Variants in PRKN observed in about 807,000 individuals in gnomAD.
PRKN encodes parkin RBR E3 ubiquitin protein ligase.
A neutral mutation model predicts 59.5 loss-of-function variants in PRKN; 56 were observed. The ratio of observed to expected loss-of-function variants is 0.94; its 90% CI spans 0.76 to 1.18. The LOEUF (loss-of-function observed/expected upper bound fraction) is 1.18. Ranked by LOEUF, PRKN falls within the 50% of genes most tolerant of loss-of-function variation. PRKN has a pLI of 0.00. For missense variants in PRKN, 657 were observed against 596.4 expected, an observed-to-expected ratio of 1.10 and a Z score of -1.06; for synonymous variants, 250 against 222.1, an observed-to-expected ratio of 1.13 and a Z score of -1.12.
chr6:161,782,714 C>A (rs183268739), intron 7 of PRKN, among the ~76,000 whole-genome samples: 1 of 151,590 alleles, frequency 6.6e-6, no homozygotes, highest in Non-Finnish European at 1.5e-5. Context: ...GTTAACATGG[C>A]GAAACCCCAT....
chr6:162,098,187 G>C (rs1274574763), intron 4 of PRKN, among the ~76,000 whole-genome samples: 1 of 152,088 alleles, frequency 6.6e-6, no homozygotes, highest in Non-Finnish European at 1.5e-5. Flanking sequence ...TTTTGTAAGA[G>C]TTGCTTTAGT....
At chr6:162,540,715 G>A (rs905417916) in intron 1 of PRKN, among the ~76,000 whole-genome samples, 6 of 151,110 alleles carry the variant, frequency 4.0e-5, no homozygotes, top group Non-Finnish European at 8.8e-5. Context: ...GCTGAGGCAC[G>A]AGAATCACTT....
chr6:161,568,959 T>C (rs1037847178), intron 8 of PRKN, among the ~76,000 whole-genome samples: 2 of 138,906 alleles, frequency 1.4e-5, no homozygotes, highest in Non-Finnish European at 3.1e-5. Flanking sequence ...AAACACCCAA[T>C]ACAAAAACCT....
At chr6:162,594,247 T>C (rs2846546) in intron 1 of PRKN, among the ~76,000 whole-genome samples, 72,283 of 152,018 alleles carry the variant, frequency 0.48, 18,770 homozygotes, top group Non-Finnish European at 0.59. Flanking sequence ...ACATGCCCTT[T>C]GCATACTTTA....
intron 1 of PRKN, among the ~76,000 whole-genome samples, chr6:162,705,847 G>A (rs761295172): frequency 1.3e-5 from 2 of 152,054 alleles, no homozygotes; most frequent in East Asian, 1.9e-4. Flanking sequence ...CTAAATTAAG[G>A]TACTTAGAGG....
intron 2 of PRKN, among the ~76,000 whole-genome samples, chr6:162,274,092 C>A (rs183331153): frequency 6.6e-6 from 1 of 151,858 alleles, no homozygotes; most frequent in Admixed American, 6.6e-5. Flanking sequence ...CTGTTTGAAT[C>A]GAGATCCAAA....
chr6:161,542,051 C>G (rs1779633979), intron 9 of PRKN, among the ~76,000 whole-genome samples: 1 of 152,180 alleles, frequency 6.6e-6, no homozygotes, highest in African/African-American at 2.4e-5. Context: ...CCTCTTCCTC[C>G]TCAGCCTACT....
chr6:162,246,400 C>T (rs60175166), intron 3 of PRKN, among the ~76,000 whole-genome samples: 20,853 of 151,948 alleles, frequency 0.14, 2,010 homozygotes, highest in East Asian at 0.49. Flanking sequence ...GGACATTTGG[C>T]CTCCAGAACC....
intron 9 of PRKN, among the ~76,000 whole-genome samples, chr6:161,394,248 T>C (rs778920941): frequency 1.3e-5 from 2 of 152,240 alleles, no homozygotes; most frequent in Non-Finnish European, 2.9e-5. Flanking sequence ...AATCTTAAAC[T>C]GTGCTAAGCT....
At chr6:162,425,783 C>T (rs1789210765) in intron 2 of PRKN, among the ~76,000 whole-genome samples, 1 of 152,122 alleles carries the variant, frequency 6.6e-6, no homozygotes, top group South Asian at 2.1e-4. Flanking sequence ...AACTTATATT[C>T]TAGAATTAGA....
Position 161,463,580 on chromosome 6 carries a change from C to G in PRKN, c.1084-76703G>C, listed in dbSNP as rs1790314154. Among the ~76,000 whole-genome samples the G allele has an allele frequency of 1.3e-5, 2 of 152,160 alleles. No homozygotes were observed. Among genetic ancestry groups the G allele is most frequent in the African/African-American group, 4.8e-5 (2 of 41,444 alleles). ...ATGCTTTCTTTGACCATCTTGATAT[C>G]CAGATATGGAGTATTCCCATTTCTT... On this transcript the variant is annotated intron_variant, in intron 9 of 11. Transcript: ENST00000366898. The surrounding 1 kb of genome is among the most constrained non-coding windows in gnomAD (Gnocchi z 4.8).
At chr6:162,199,747 T>G (rs1240821004) in intron 4 of PRKN, among the ~76,000 whole-genome samples, 1 of 152,160 alleles carries the variant, frequency 6.6e-6, no homozygotes, top group Non-Finnish European at 1.5e-5. Flanking sequence ...AGCTGAAATG[T>G]TCATCAAAGT....
chr6:162,329,324 T>G (rs1288301564), intron 2 of PRKN, among the ~76,000 whole-genome samples: 1 of 152,036 alleles, frequency 6.6e-6, no homozygotes, highest in Non-Finnish European at 1.5e-5. Flanking sequence ...AGGTGGTAGC[T>G]CCGATAGCCA....
At chr6:162,472,356 C>T (rs1414100795) in intron 1 of PRKN, among the ~76,000 whole-genome samples, 3 of 128,298 alleles carry the variant, frequency 2.3e-5, no homozygotes, top group African/African-American at 8.7e-5. Context: ...CCTCCCCCCA[C>T]CCCCCACCCC....
Position 161,369,545 on chromosome 6 carries a change from C to T in PRKN, c.1168-9340G>A, listed in dbSNP as rs528209953. ...TTTTGTTGTGATTCAGCATCACCGC[C>T]CGATTGTGCAATAAAGTGTGGCTCT... On this transcript the variant is annotated intron_variant, in intron 10 of 11. Coordinates refer to ENST00000366898, the MANE Select transcript of PRKN (RefSeq NM_004562.3). This position sits in a 1 kb window ranked among gnomAD's most constrained non-coding sequence, Gnocchi z 5.8. Among the ~76,000 whole-genome samples, 1 of 152,228 alleles carries T rather than the reference C, an allele frequency of 6.6e-6. No homozygotes were observed. The highest frequency in any genetic ancestry group is 6.5e-5 in the Admixed American group (1 of 15,296).
chr6:161,375,414 A>G (rs1785654556), intron 10 of PRKN, among the ~76,000 whole-genome samples: 1 of 152,198 alleles, frequency 6.6e-6, no homozygotes, highest in African/African-American at 2.4e-5. Flanking sequence ...CCACGCAAGC[A>G]TGCCTTCACT....
chr6:161,862,754 A>C (rs915827131), intron 6 of PRKN, among the ~76,000 whole-genome samples: 4 of 150,266 alleles, frequency 2.7e-5, no homozygotes, highest in Non-Finnish European at 5.9e-5. Flanking sequence ...AGAGGCGAGA[A>C]GGAGTCCAAG....
chr6:161,753,064 T>G lies in PRKN; in HGVS notation c.871+32708A>C, dbSNP rs901985978. On this transcript the variant is annotated intron_variant, in intron 7 of 11. Transcript: ENST00000366898. ...ACTTGGAAACAAGCTAAGTTTGAGA[T>G]GCCTTTGAGAATCCAAGTGGAGTTT... Among the ~76,000 whole-genome samples, 3 of 152,188 alleles carry G rather than the reference T, an allele frequency of 2.0e-5. No individual in the cohort carries two copies. In the East Asian group the frequency reaches 5.8e-4, roughly 29 times the overall value.
At chr6:161,854,497 G>C (rs535959772) in intron 6 of PRKN, among the ~76,000 whole-genome samples, 43 of 152,038 alleles carry the variant, frequency 2.8e-4, no homozygotes, top group Non-Finnish European at 5.7e-4. Flanking sequence ...TTGAAAAGTA[G>C]GTAGGTGTAC....
Sources: gnomAD v4.1 joint callset for allele counts (sites outside exome capture counted in the v4.1 genomes callset) on GRCh38, gnomAD v4.1.1 for gene constraint, Gnocchi (gnomAD v3.1) non-coding constraint, MANE v1.5 for transcripts, NCBI Gene and HGNC (gene_info 2026-07-23, HGNC 2026-07-21) for gene names.